Variants in ELP4 observed in about 807,000 individuals in gnomAD.
ELP4 encodes the protein elongator complex protein 4.
A neutral mutation model predicts 48.9 loss-of-function variants in ELP4; 51 were observed. The observed-to-expected ratio is 1.04, with a 90% CI of 0.83 to 1.32. The LOEUF is 1.32. Ranked by LOEUF, ELP4 falls within the 40% of genes most tolerant of loss-of-function variation. The probability of loss-of-function intolerance (pLI) is 0.00; values close to 1 mark genes in which losing one functional copy is unlikely to be tolerated. For synonymous variants in ELP4, 210 were observed against 189.2 expected (o/e 1.11, Z -0.90); for missense variants, 519 against 514.6 (o/e 1.01, Z -0.08).
In ELP4 at chr11:31,742,782, G is replaced by C. The variant is rs181676110; in HGVS notation, c.1144-40611G>C. Among the ~76,000 whole-genome samples, 11 of 152,264 alleles carry C rather than the reference G, an allele frequency of 7.2e-5. No homozygotes were observed. In the East Asian group the frequency reaches 2.1e-3, roughly 29 times the overall value. ...ACATGGAAAGGATCAACCAGTACGA[G>C]CCACTGCAAAAACATGCCAAATTGT... On this transcript the variant is annotated intron_variant, in intron 9 of 9. Coordinates refer to ENST00000640961, the MANE Select transcript of ELP4 (RefSeq NM_019040.5).
chr11:31,741,346 C>A (rs1237488971), intron 9 of ELP4, among the ~76,000 whole-genome samples: 1 of 152,222 alleles, frequency 6.6e-6, no homozygotes, highest in Non-Finnish European at 1.5e-5. Context: ...AAAAAGACAG[C>A]AGTAACCTCT....
chr11:31,718,339 C>T (rs770571046), intron 9 of ELP4, among the ~76,000 whole-genome samples: 1 of 152,140 alleles, frequency 6.6e-6, no homozygotes, highest in African/African-American at 2.4e-5. Flanking sequence ...CTTTTTAAAA[C>T]AGTGGTGCTT....
In ELP4 at chr11:31,789,808, T is replaced by C. The variant is rs747184562; in HGVS notation, c.*6284T>C. Reference sequence around the variant, plus strand: ...CCCAGTGGTACAATACAGGACACAATTGTAGAACTGAAGCGGCTCTAACAG... The same window carrying C: ...CCCAGTGGTACAATACAGGACACAACTGTAGAACTGAAGCGGCTCTAACAG... On this transcript the variant is annotated 3_prime_UTR_variant, in exon 10 of 10. Coordinates refer to ENST00000640961, the MANE Select transcript of ELP4 (RefSeq NM_019040.5). The C allele has an allele frequency of 3.1e-5, 26 of 847,324 alleles. No individual in the cohort carries two copies. Among genetic ancestry groups the C allele is most frequent in the South Asian group, 1.1e-4 (8 of 70,080 alleles). The allele number at this position is 847,324 out of a possible 1,614,324, so 52.5% of individuals were successfully genotyped here. A position where few individuals can be genotyped will look rare whatever the true frequency, so the allele number is the denominator to read the frequency against.
chr11:31,736,113 G>A (rs993817066), intron 9 of ELP4, among the ~76,000 whole-genome samples: 3 of 152,162 alleles, frequency 2.0e-5, no homozygotes, highest in Non-Finnish European at 4.4e-5. Flanking sequence ...GCATGGTACT[G>A]GTACCAAAAC....
At chr11:31,618,622 A>G (rs2134023490) in intron 5 of ELP4, among the ~76,000 whole-genome samples, 1 of 152,226 alleles carries the variant, frequency 6.6e-6, no homozygotes, top group African/African-American at 2.4e-5. Flanking sequence ...CATTCAAACC[A>G]TAGTACCCTT....
Position 31,632,425 on chromosome 11 carries a change from A to G in ELP4, c.927+20A>G. The G allele has an allele frequency of 3.2e-6, 5 of 1,580,854 alleles. No individual in the cohort carries two copies. Among genetic ancestry groups the G allele is most frequent in the Middle Eastern group, 1.7e-4 (1 of 5,904 alleles). On this transcript the variant is annotated intron_variant, in intron 7 of 9. Transcript: ENST00000640961. ...ATCCAGGTACGAAATTTCCAGAACT[A>G]CTTTTTCATAATTCATAGTAATATA... is the stretch of plus-strand genomic sequence containing the variant.
At chr11:31,512,532 G>A (rs954717343) in intron 1 of ELP4, 3 of 152,100 alleles carry the variant, frequency 2.0e-5, no homozygotes, top group African/African-American at 4.8e-5. Flanking sequence ...TGTATTATGA[G>A]ATATTGATAT....
intron 9 of ELP4, among the ~76,000 whole-genome samples, chr11:31,776,066 GCTTCAGCCTGA>G (rs1303176904): frequency 6.7e-6 from 1 of 150,198 alleles, no homozygotes; most frequent in Non-Finnish European, 1.5e-5. Context: ...TGGGAGGGTG[GCTTCAGCCTGA>G]GAGGGGAAGG....
At chr11:31,514,584 T>C (rs1592072702) in intron 1 of ELP4, among the ~76,000 whole-genome samples, 1 of 152,236 alleles carries the variant, frequency 6.6e-6, no homozygotes, top group East Asian at 1.9e-4. Context: ...GTTTTCATTA[T>C]AAAAATAAGA....
At chr11:31,734,039 C>T (rs1346257863) in intron 9 of ELP4, among the ~76,000 whole-genome samples, 1 of 152,168 alleles carries the variant, frequency 6.6e-6, no homozygotes, top group Non-Finnish European at 1.5e-5. Flanking sequence ...GAATTTATCC[C>T]TGGGATGCAA....
chr11:31,546,398 A>G (rs1400199049), intron 3 of ELP4, among the ~76,000 whole-genome samples: 3 of 152,216 alleles, frequency 2.0e-5, no homozygotes, highest in Non-Finnish European at 2.9e-5. Flanking sequence ...AGGCCATTAT[A>G]TAATGGTAAA....
intron 9 of ELP4, chr11:31,687,646 G>A (rs1946189196): frequency 2.0e-5 from 3 of 152,082 alleles, no homozygotes; most frequent in Admixed American, 6.5e-5. Flanking sequence ...AGCAAGTATC[G>A]ACTCTCTGTT....
intron 7 of ELP4, among the ~76,000 whole-genome samples, chr11:31,644,593 T>G (rs983467239): frequency 1.3e-5 from 2 of 151,806 alleles, no homozygotes; most frequent in Non-Finnish European, 2.9e-5. Flanking sequence ...TAAAGTGAAT[T>G]GTGATTATTA....
chr11:31,688,277 ATGCAAGGGAATGGTT>A (rs1378643711), intron 9 of ELP4, among the ~76,000 whole-genome samples: 1 of 152,164 alleles, frequency 6.6e-6, no homozygotes, highest in East Asian at 1.9e-4. Context: ...ATTTACTGTA[ATGCAAGGGAATGGTT>A]TCTCCTTATC....
chr11:31,752,266 G>T (rs547175692), intron 9 of ELP4, among the ~76,000 whole-genome samples: 6 of 143,326 alleles, frequency 4.2e-5, no homozygotes, highest in African/African-American at 1.6e-4. Flanking sequence ...CTTAGCACTT[G>T]TTCTTAGTAA....
intron 9 of ELP4, among the ~76,000 whole-genome samples, chr11:31,658,902 CTT>C (rs1235080779): frequency 5.3e-5 from 8 of 151,884 alleles, no homozygotes; most frequent in African/African-American, 1.9e-4. Context: ...CTATTTTTCT[CTT>C]TTGCAAAAAG....
At chr11:31,585,130 A>G (rs1306416138) in intron 3 of ELP4, among the ~76,000 whole-genome samples, 1 of 152,210 alleles carries the variant, frequency 6.6e-6, no homozygotes, top group African/African-American at 2.4e-5. Flanking sequence ...GACAAACAAA[A>G]CAAGAAAAGT....
At chr11:31,628,023 T>G (rs1312677575) in intron 6 of ELP4, among the ~76,000 whole-genome samples, 2 of 152,114 alleles carry the variant, frequency 1.3e-5, no homozygotes, top group Non-Finnish European at 2.9e-5. Flanking sequence ...AAATAAATTA[T>G]TTTTCATTTT....
At chr11:31,641,817 C>T (rs1592183925) in intron 7 of ELP4, among the ~76,000 whole-genome samples, 1 of 151,966 alleles carries the variant, frequency 6.6e-6, no homozygotes, top group Non-Finnish European at 1.5e-5. Context: ...TTATTCTAAG[C>T]TGATTTTAAA....
Sources: gnomAD v4.1 joint callset for allele counts (sites outside exome capture counted in the v4.1 genomes callset) on GRCh38, gnomAD v4.1.1 for gene constraint, MANE v1.5 for transcripts, NCBI Gene and HGNC (gene_info 2026-07-23, HGNC 2026-07-21) for gene names.